VPS13B: variants seen among roughly 807,000 people sequenced by gnomAD.
VPS13B encodes vacuolar protein sorting 13 homolog B.
In VPS13B, 285 loss-of-function variants were observed where a neutral mutation model predicts 426.4. The observed-to-expected ratio is 0.67, with a 90% CI of 0.61 to 0.74. VPS13B has a LOEUF of 0.74. Ranked by LOEUF, VPS13B falls within the 30% of genes least tolerant of loss-of-function variation. The pLI is 0.00. For missense variants in VPS13B, 4,537 were observed against 4,782.6 expected, an observed-to-expected ratio of 0.95 and a Z score of 1.51; for synonymous variants, 1,676 against 1,676.4, an observed-to-expected ratio of 1.00 and a Z score of 0.01.
At chr8:99,707,509 A>G (rs530159645) in intron 36 of VPS13B, among the ~76,000 whole-genome samples, 1 of 152,286 alleles carries the variant, frequency 6.6e-6, no homozygotes, top group South Asian at 2.1e-4. Flanking sequence ...AATAACCTTT[A>G]TTATCCTTTT....
intron 30 of VPS13B, among the ~76,000 whole-genome samples, chr8:99,521,964 T>C (rs1822398278): frequency 6.6e-6 from 1 of 152,196 alleles, no homozygotes; most frequent in Admixed American, 6.5e-5. Flanking sequence ...AGGTATTTAA[T>C]AGTATTCACC....
intron 35 of VPS13B, among the ~76,000 whole-genome samples, chr8:99,673,773 C>T (rs1484804214): frequency 1.3e-5 from 2 of 151,900 alleles, no homozygotes; most frequent in African/African-American, 4.8e-5. Context: ...ACTGCTTTTG[C>T]TATATCCTTT....
intron 23 of VPS13B, among the ~76,000 whole-genome samples, chr8:99,446,118 T>A (rs142673939): frequency 0.018 from 2,680 of 152,352 alleles, 269 homozygotes; most frequent in Admixed American, 0.15. Context: ...AGTCATTCCT[T>A]TTCACAGCTT....
At chr8:99,834,534 T>A (rs1815263804) in intron 52 of VPS13B, among the ~76,000 whole-genome samples, 1 of 133,842 alleles carries the variant, frequency 7.5e-6, no homozygotes, top group Admixed American at 8.5e-5. Context: ...TCAGCTCTTA[T>A]TTTTATTTTT....
intron 17 of VPS13B, among the ~76,000 whole-genome samples, chr8:99,216,541 A>G (rs1394280669): frequency 1.3e-5 from 2 of 151,962 alleles, no homozygotes; most frequent in Non-Finnish European, 2.9e-5. Flanking sequence ...GTGGAGGAGA[A>G]TAGGGGAGTG....
At chr8:99,645,576 CATTCTGTAATTTGGA>C (rs1485393185) in intron 34 of VPS13B, among the ~76,000 whole-genome samples, 1 of 152,172 alleles carries the variant, frequency 6.6e-6, no homozygotes, top group Non-Finnish European at 1.5e-5. Context: ...GAAGTTTCAT[CATTCTGTAATTTGGA>C]ATTCTGTAAT....
chr8:99,753,500 C>G (rs1160420065), intron 39 of VPS13B, among the ~76,000 whole-genome samples: 2 of 152,052 alleles, frequency 1.3e-5, no homozygotes, highest in African/African-American at 4.8e-5. Flanking sequence ...TAAAAGACAC[C>G]ATAAACTAGT....
At chr8:99,564,524 A>T (rs999650516) in intron 31 of VPS13B, among the ~76,000 whole-genome samples, 3 of 152,226 alleles carry the variant, frequency 2.0e-5, no homozygotes, top group Non-Finnish European at 4.4e-5. Context: ...GCTGTTGTTC[A>T]GCAGGGTCAA....
At chr8:99,538,345 A>C (rs951136592) in intron 30 of VPS13B, among the ~76,000 whole-genome samples, 3 of 152,190 alleles carry the variant, frequency 2.0e-5, no homozygotes, top group African/African-American at 4.8e-5. Flanking sequence ...AAATATGTAA[A>C]AGTAGGTTCT....
At chr8:99,318,510 A>G (rs1202304897) in intron 19 of VPS13B, among the ~76,000 whole-genome samples, 1 of 152,122 alleles carries the variant, frequency 6.6e-6, no homozygotes, top group African/African-American at 2.4e-5. Flanking sequence ...AGAGTAACTT[A>G]CATGGAATTA....
In VPS13B at chr8:99,853,995, C is replaced by T; in HGVS notation, c.10606C>T (p.Leu3536Phe). The T allele has an allele frequency of 6.2e-7, 1 of 1,614,232 alleles. No individual in the cohort carries two copies. Among genetic ancestry groups the T allele is most frequent in the Non-Finnish European group, 8.5e-7 (1 of 1,180,040 alleles). The change falls in exon 56 of 62, where the codon CTC becomes TTC. Residue 3536 changes from leucine (L) to phenylalanine (F), a missense_variant. Transcript: ENST00000357162. ...NSRLAGHSTHLSGGKQVLPMQ... is the reference protein window; with the variant it reads ...NSRLAGHSTHFSGGKQVLPMQ... ...CAGGTTGGCTGGTCACTCCACACAC[C>T]TCTCCGGGGGTAAACAGGTGTTGCC...
At chr8:99,557,372 C>T (rs573740530) in intron 31 of VPS13B, among the ~76,000 whole-genome samples, 41 of 151,870 alleles carry the variant, frequency 2.7e-4, no homozygotes, top group Non-Finnish European at 4.1e-4. Context: ...TTACCTCCCA[C>T]TTATAAGTGA....
chr8:99,334,601 A>G (rs995144241), intron 19 of VPS13B, among the ~76,000 whole-genome samples: 107 of 152,230 alleles, frequency 7.0e-4, no homozygotes, highest in African/African-American at 2.5e-3. Context: ...TTCTGCATCT[A>G]TTGAGATAAT....
intron 2 of VPS13B, among the ~76,000 whole-genome samples, chr8:99,028,990 T>C (rs1842338296): frequency 7.0e-6 from 1 of 143,308 alleles, no homozygotes; most frequent in Non-Finnish European, 1.5e-5. Flanking sequence ...ACGGGGCGGC[T>C]GCCGGGCGGA....
rs546446310 is a variant in VPS13B at position 99,337,488 on chromosome 8, A to G, written c.2825-46720A>G. ...TGTAACTAACCTGCACATTGTGCACATGTACCCTAAAACTTAAAGTATAAT... is the reference window on the plus strand; with the variant it reads ...TGTAACTAACCTGCACATTGTGCACGTGTACCCTAAAACTTAAAGTATAAT... On this transcript the variant is annotated intron_variant, in intron 19 of 61. Coordinates refer to ENST00000357162, the MANE Select transcript of VPS13B (RefSeq NM_152564.5). 3.0e-4 allele frequency among the ~76,000 whole-genome samples: 46 copies of G among 152,086 alleles called. No homozygotes were observed. The South Asian group carries it at 8.7e-3, about 29-fold the overall frequency.
chr8:99,784,549 G>T (rs890251462), intron 43 of VPS13B, 73 bp downstream of exon 43: 2 of 1,584,234 alleles, frequency 1.3e-6, no homozygotes, highest in African/African-American at 2.7e-5. Context: ...TTGTGTGCCT[G>T]TCCAGTTATT....
At chr8:99,484,636 A>C (rs1272595690) in intron 25 of VPS13B, among the ~76,000 whole-genome samples, 1 of 152,158 alleles carries the variant, frequency 6.6e-6, no homozygotes, top group African/African-American at 2.4e-5. Flanking sequence ...TTACTGGCTA[A>C]TTTTGAAAGA....
intron 35 of VPS13B, among the ~76,000 whole-genome samples, chr8:99,688,993 T>C (rs1328358258): frequency 6.6e-6 from 1 of 152,056 alleles, no homozygotes; most frequent in Non-Finnish European, 1.5e-5. Flanking sequence ...TAAATAGTTA[T>C]CTTTGTAACT....
At chr8:99,819,328 A>G (rs1307292425) in intron 47 of VPS13B, 84 bp from the exon 48 acceptor site, 15 of 1,492,386 alleles carry the variant, frequency 1.0e-5, no homozygotes, top group Non-Finnish European at 1.4e-5. Context: ...TCTATAATAC[A>G]TTTGTAGTTA....
Sources: allele counts gnomAD v4.1 joint callset (sites outside exome capture counted in the v4.1 genomes callset), GRCh38; gene constraint gnomAD v4.1.1; transcripts MANE v1.5; gene names NCBI Gene and HGNC (gene_info 2026-07-23, HGNC 2026-07-21).